Variants in NDUFAF3 observed in about 807,000 individuals in gnomAD.
NDUFAF3 encodes NADH:ubiquinone oxidoreductase complex assembly factor 3, also known as NADH dehydrogenase [ubiquinone] 1 alpha subcomplex assembly factor 3.
A neutral mutation model predicts 22.6 loss-of-function variants in NDUFAF3; 21 were observed. The ratio of observed to expected loss-of-function variants is 0.93; its 90% CI spans 0.66 to 1.34. The LOEUF is 1.34. NDUFAF3 is among the 40% of genes most tolerant of loss of function. NDUFAF3 has a pLI of 0.00. For synonymous variants in NDUFAF3, 113 were observed against 104.9 expected, an observed-to-expected ratio of 1.08 and a Z score of -0.47; for missense variants, 251 against 248.4, an observed-to-expected ratio of 1.01 and a Z score of -0.07.
chr3:49,020,939 G>C, upstream of NDUFAF3: 1 of 190,556 alleles, frequency 5.2e-6, no homozygotes, highest in East Asian at 1.5e-4. Flanking sequence ...TAGCCCTGTT[G>C]GTCCCACGAA....
At chr3:49,022,103 A>G (rs754814352), upstream of NDUFAF3, 1 of 1,583,704 alleles carries the variant, frequency 6.3e-7, no homozygotes, top group South Asian at 1.1e-5. This position sits in a 1 kb window ranked among gnomAD's most constrained non-coding sequence, Gnocchi z 6.6. Flanking sequence ...CAACCCGGGG[A>G]CTAACGGCGC....
Position 49,022,376 on chromosome 3 carries a change from G to C in NDUFAF3, c.108G>C (p.Pro36=), listed in dbSNP as rs987349971. ...WAPRRGHRLS[P]ADDELYQRTR... ...CGCGGCGAGGGCATCGGCTCTCGCC[G>C]GCGGATGACGAGCTGTATCAGCGGA... Residue 36 remains proline (P), a synonymous_variant, in exon 2 of 5, where the codon CCG becomes CCC. Coordinates refer to ENST00000326925, the MANE Select transcript of NDUFAF3 (RefSeq NM_199069.2). The surrounding 1 kb of genome is among the most constrained non-coding windows in gnomAD (Gnocchi z 6.6). 7 of 1,612,532 alleles carry C rather than the reference G, an allele frequency of 4.3e-6. No homozygotes were observed. In the East Asian group the frequency reaches 1.6e-4, roughly 36 times the overall value.
Position 49,022,986 on chromosome 3 carries a change from G to A in NDUFAF3, c.438+10G>A, listed in dbSNP as rs563038002. ...GGAAGTGCAGGACACGGTGAGTCCC[G>A]GGACTGGGGCATGCTGCGGGGAGCA... On this transcript the variant is annotated intron_variant, in intron 4 of 4. Transcript: ENST00000326925. The surrounding 1 kb of genome is among the most constrained non-coding windows in gnomAD (Gnocchi z 6.6). 2.5e-6 allele frequency: 4 copies of A among 1,614,084 alleles called. No homozygotes were observed. In the Admixed American group the frequency reaches 6.7e-5, roughly 27 times the overall value.
At chr3:49,020,525 C>G (rs1324299666), upstream of NDUFAF3, 1 of 432,864 alleles carries the variant, frequency 2.3e-6, no homozygotes, top group African/African-American at 2.0e-5. Context: ...CACCTCCAGC[C>G]TGAGGGCGCA....
At position 49,022,689 on chromosome 3, in the gene NDUFAF3, C is replaced by A. The variant is rs1559912827; in HGVS notation, c.271-13C>A. On this transcript the variant is annotated splice_polypyrimidine_tract_variant and intron_variant, in intron 2 of 4. Coordinates refer to ENST00000326925, the MANE Select transcript of NDUFAF3 (RefSeq NM_199069.2). This position sits in a 1 kb window ranked among gnomAD's most constrained non-coding sequence, Gnocchi z 6.6. Reference sequence around the variant, plus strand: ...TGGATTTGTCGTATTAAATGTGCCTCCTCCCTGCACAGGTGGGATCCCACC... The same window carrying A: ...TGGATTTGTCGTATTAAATGTGCCTACTCCCTGCACAGGTGGGATCCCACC... 6.2e-7 allele frequency: 1 copy of A among 1,614,082 alleles called. No individual in the cohort carries two copies. The highest frequency in any genetic ancestry group is 8.5e-7 in the Non-Finnish European group (1 of 1,180,016).
chr3:49,021,074 G>C (rs1333016137), upstream of NDUFAF3: 1 of 158,470 alleles, frequency 6.3e-6, no homozygotes, highest in Non-Finnish European at 1.4e-5. The surrounding 1 kb of genome is among the most constrained non-coding windows in gnomAD (Gnocchi z 4.1). Context: ...CCCCGCGCTC[G>C]GTGGCCTTTG....
upstream of NDUFAF3, chr3:49,021,256 C>T (rs2093153665): frequency 6.6e-6 from 1 of 152,476 alleles, no homozygotes; most frequent in African/African-American, 2.4e-5. This position sits in a 1 kb window ranked among gnomAD's most constrained non-coding sequence, Gnocchi z 4.1. Context: ...GACAATGTTC[C>T]CCTGAGGCCA....
rs2093165180 is a variant in NDUFAF3, at chr3:49,022,195, GCGCTGTCCGCCCGTTGAGCTT to G, written c.53_73del (p.Arg18_Leu24del). ...GCTTGTACCGAGCGCGACCCTCGCT[GCGCTGTCCGCCCGTTGAGCTT>G]CCCTGGTGAGCTTGGACCCCGCGCC... On this transcript the variant is annotated inframe_deletion, in exon 1 of 5. Coordinates refer to ENST00000326925, the MANE Select transcript of NDUFAF3 (RefSeq NM_199069.2). The surrounding 1 kb of genome is among the most constrained non-coding windows in gnomAD (Gnocchi z 6.6). 5.0e-6 allele frequency: 8 copies of G among 1,610,798 alleles called. No homozygotes were observed. Among genetic ancestry groups the G allele is most frequent in the Non-Finnish European group, 5.9e-6 (7 of 1,179,668 alleles).
rs1248423795 is a variant in NDUFAF3 at position 49,022,200 on chromosome 3, G to A, written c.56G>A (p.Cys19Tyr). Residue 19 changes from cysteine to tyrosine, a missense_variant, in exon 1 of 5, where the codon TGT (cysteine) becomes TAT (tyrosine). Physicochemically the swap from Cys to Tyr is radical, Grantham distance 194 (BLOSUM62 -2). Coordinates refer to ENST00000326925, the MANE Select transcript of NDUFAF3 (RefSeq NM_199069.2). The surrounding 1 kb of genome is among the most constrained non-coding windows in gnomAD (Gnocchi z 6.6). ...SLYRARPSLR[C>Y]PPVELPWAPR... ...TACCGAGCGCGACCCTCGCTGCGCT[G>A]TCCGCCCGTTGAGCTTCCCTGGTGA... 1.2e-6 allele frequency: 2 copies of A among 1,610,888 alleles called. No homozygotes were observed. Among genetic ancestry groups the A allele is most frequent in the Admixed American group, 1.7e-5 (1 of 60,004 alleles).
rs549496239 is a variant in NDUFAF3 at position 49,023,327 on chromosome 3, T to C, written c.*155T>C. ...GTGTTGCTGGCCAGGAGCTGATGGC[T>C]CACTGGGCTCTTGGAGGGGAATGTG... On this transcript the variant is annotated 3_prime_UTR_variant, in exon 5 of 5. Transcript: ENST00000326925. 4.1e-6 allele frequency: 3 copies of C among 725,876 alleles called. No individual in the cohort carries two copies. The East Asian group carries it at 7.8e-5, about 19-fold the overall frequency. 45.0% of individuals were successfully genotyped at this position (725,876 alleles called of 1,614,324 possible).
chr3:49,022,193 C>T lies in NDUFAF3; in HGVS notation c.49C>T (p.Leu17=), dbSNP rs1210212941. 6.2e-7 allele frequency: 1 copy of T among 1,610,832 alleles called. No homozygotes were observed. Among genetic ancestry groups the T allele is most frequent in the South Asian group, 1.1e-5 (1 of 91,072 alleles). ...TAGCTTGTACCGAGCGCGACCCTCG[C>T]TGCGCTGTCCGCCCGTTGAGCTTCC... ...LRSLYRARPS[L]RCPPVELPWA... Residue 17 remains leucine, a synonymous_variant, in exon 1 of 5, where the codon CTG becomes TTG. Coordinates refer to ENST00000326925, the MANE Select transcript of NDUFAF3 (RefSeq NM_199069.2). This position sits in a 1 kb window ranked among gnomAD's most constrained non-coding sequence, Gnocchi z 6.6.
rs745512789 is a variant in NDUFAF3, at chr3:49,022,313, C to T, written c.78-33C>T. Reference sequence around the variant, plus strand: ...TTCCGGCCTCTCGGGCTGCCCGGCCCGGCCCCGCGCCCCTGACCCTTTCCC... The same window carrying T: ...TTCCGGCCTCTCGGGCTGCCCGGCCTGGCCCCGCGCCCCTGACCCTTTCCC... On this transcript the variant is annotated intron_variant, in intron 1 of 4. Transcript: ENST00000326925. The surrounding 1 kb of genome is among the most constrained non-coding windows in gnomAD (Gnocchi z 6.6). The T allele has an allele frequency of 1.9e-6, 3 of 1,607,340 alleles. No homozygotes were observed. The highest frequency in any genetic ancestry group is 2.7e-5 in the African/African-American group (2 of 74,916).
rs757177717 is a variant in NDUFAF3 at position 49,022,889 on chromosome 3, G to T, written c.351G>T (p.Val117=). The T allele has an allele frequency of 1.2e-6, 2 of 1,614,022 alleles. No homozygotes were observed. The highest frequency in any genetic ancestry group is 1.1e-5 in the South Asian group (1 of 91,080). ...ACCCTTCCCTAGAGATCGTGGTGGT[G>T]GGGACTGGAGACCGGACCGAGAGGC... ...LLEPRIEIVV[V]GTGDRTERLQ... is the part of the protein sequence containing the mutation. Residue 117 remains valine (V), a synonymous_variant, in exon 4 of 5, where the codon GTG becomes GTT. Coordinates refer to ENST00000326925, the MANE Select transcript of NDUFAF3 (RefSeq NM_199069.2). This position sits in a 1 kb window ranked among gnomAD's most constrained non-coding sequence, Gnocchi z 6.6.
In NDUFAF3 at chr3:49,022,526, G is replaced by A. The variant is rs759189660; in HGVS notation, c.258G>A (p.Val86=). The stretch of plus-strand genomic sequence containing the variant: ...CCTGCGCTCTGCTCCCGCACTCGGT[G>A]GTGCAGTGGAACGTGAGTCCTGGCC... ...LGPCALLPHS[V]VQWNVGSHQD... Residue 86 remains valine (V), a synonymous_variant, in exon 2 of 5, where the codon GTG becomes GTA. Coordinates refer to ENST00000326925, the MANE Select transcript of NDUFAF3 (RefSeq NM_199069.2). This position sits in a 1 kb window ranked among gnomAD's most constrained non-coding sequence, Gnocchi z 6.6. 53 of 1,613,174 alleles carry A rather than the reference G, an allele frequency of 3.3e-5. 1 individual carries two copies. The East Asian group carries it at 1.2e-3, about 36-fold the overall frequency.
At position 49,022,464 on chromosome 3, in the gene NDUFAF3, C is replaced by T. The variant is rs537398965; in HGVS notation, c.196C>T (p.Arg66Cys). Reference protein sequence around the residue: ...QAMYIDSYNSRGFMINGNRVL... With the variant: ...QAMYIDSYNSCGFMINGNRVL... ...AATGTACATCGACAGCTACAACAGC[C>T]GCGGCTTCATGATAAACGGAAACCG... Residue 66 changes from arginine (R) to cysteine (C), a missense_variant, in exon 2 of 5, where the codon CGC becomes TGC. Arg to Cys is a radical substitution (Grantham distance 180). Coordinates refer to ENST00000326925, the MANE Select transcript of NDUFAF3 (RefSeq NM_199069.2). The surrounding 1 kb of genome is among the most constrained non-coding windows in gnomAD (Gnocchi z 6.6). 1.2e-6 allele frequency: 2 copies of T among 1,613,156 alleles called. No homozygotes were observed. Among genetic ancestry groups the T allele is most frequent in the Admixed American group, 3.3e-5 (2 of 60,014 alleles).
chr3:49,023,335 C>A lies in NDUFAF3; in HGVS notation c.*163C>A, dbSNP rs894421170. ...GGCCAGGAGCTGATGGCTCACTGGG[C>A]TCTTGGAGGGGAATGTGAAGAAACC... On this transcript the variant is annotated 3_prime_UTR_variant, in exon 5 of 5. Transcript: ENST00000326925. 6 of 707,306 alleles carry A rather than the reference C, an allele frequency of 8.5e-6. No individual in the cohort carries two copies. In the African/African-American group the frequency reaches 8.8e-5, roughly 10 times the overall value. 43.8% of individuals were successfully genotyped at this position (707,306 alleles called of 1,614,324 possible).
chr3:49,023,058 C>T lies in NDUFAF3; in HGVS notation c.441C>T (p.Pro147=), dbSNP rs2093178227. The T allele has an allele frequency of 6.2e-7, 1 of 1,614,124 alleles. No individual in the cohort carries two copies. Among genetic ancestry groups the T allele is most frequent in the Non-Finnish European group, 8.5e-7 (1 of 1,179,982 alleles). Residue 147 remains proline, a splice_region_variant and synonymous_variant, in exon 5 of 5, where the codon CCC becomes CCT. Coordinates refer to ENST00000326925, the MANE Select transcript of NDUFAF3 (RefSeq NM_199069.2). Reference sequence around the variant, plus strand: ...TGATGCTGGCCTTTTCTTTGCAGCCCAATGCCTGTGCCACCTTCAACTTCC... The same window carrying T: ...TGATGCTGGCCTTTTCTTTGCAGCCTAATGCCTGTGCCACCTTCAACTTCC... ...RGIAVEVQDT[P]NACATFNFLC...
Position 49,022,430 on chromosome 3 carries a change from C to G in NDUFAF3, c.162C>G (p.Ala54=), listed in dbSNP as rs143783229. Residue 54 remains alanine (A), a synonymous_variant, in exon 2 of 5, where the codon GCC becomes GCG. Transcript: ENST00000326925. The surrounding 1 kb of genome is among the most constrained non-coding windows in gnomAD (Gnocchi z 6.6). ...GCATCTCTCTGCTGCAACGCGAGGC[C>G]GCTCAGGCAATGTACATCGACAGCT... The part of the protein sequence containing the change: ...RTRISLLQRE[A]AQAMYIDSYN... 4 of 1,612,944 alleles carry G rather than the reference C, an allele frequency of 2.5e-6. No homozygotes were observed. Among genetic ancestry groups the G allele is most frequent in the Non-Finnish European group, 3.4e-6 (4 of 1,180,044 alleles).
chr3:49,022,709 C>G lies in NDUFAF3; in HGVS notation c.278C>G (p.Ser93Cys). The G allele has an allele frequency of 6.2e-7, 1 of 1,614,068 alleles. No individual in the cohort carries two copies. Among genetic ancestry groups the G allele is most frequent in the Non-Finnish European group, 8.5e-7 (1 of 1,180,018 alleles). ...PHSVVQWNVGSHQDITEDSFS... is the reference protein window; with the variant it reads ...PHSVVQWNVGCHQDITEDSFS... ...TGCCTCCTCCCTGCACAGGTGGGAT[C>G]CCACCAGGACATCACCGAAGACAGC... is the stretch of plus-strand genomic sequence containing the variant. Residue 93 changes from serine to cysteine, a missense_variant, in exon 3 of 5, where the codon TCC (serine) becomes TGC (cysteine). Physicochemically the swap from Ser to Cys is moderately radical, Grantham distance 112. Coordinates refer to ENST00000326925, the MANE Select transcript of NDUFAF3 (RefSeq NM_199069.2). The surrounding 1 kb of genome is among the most constrained non-coding windows in gnomAD (Gnocchi z 6.6).
Sources: gnomAD v4.1 joint callset for allele counts on GRCh38, gnomAD v4.1.1 for gene constraint, Gnocchi (gnomAD v3.1) non-coding constraint, MANE v1.5 for transcripts, NCBI Gene and HGNC (gene_info 2026-07-23, HGNC 2026-07-21) for gene names.